Variants in DLGAP1 observed in about 807,000 individuals in gnomAD.
DLGAP1 encodes the protein DLG associated protein 1, also known as disks large-associated protein 1.
DLGAP1 carries 11 observed loss-of-function variants against 90.8 expected under a neutral mutation model. The observed-to-expected ratio is 0.12, with a 90% CI of 0.08 to 0.20. The LOEUF is 0.20. DLGAP1 is among the 10% of genes least tolerant of loss of function. DLGAP1 has a pLI of 1.00. For missense variants in DLGAP1, 1,050 were observed against 1,333.8 expected, an observed-to-expected ratio of 0.79 and a Z score of 3.31; for synonymous variants, 558 against 540.7, an observed-to-expected ratio of 1.03 and a Z score of -0.44.
At chr18:4,318,453 C>G (rs2080588809) in intron 1 of DLGAP1, among the ~76,000 whole-genome samples, 1 of 152,156 alleles carries the variant, frequency 6.6e-6, no homozygotes, top group African/African-American at 2.4e-5. Flanking sequence ...AAGACCAATT[C>G]AAGTGCAGGC....
Position 3,653,030 on chromosome 18 carries a change from A to T in DLGAP1, c.1592-70782T>A. ...TAGCTGCCTATAGAATATCAGAGTC[A>T]TTCTGACTCAGGGGTGACTCAGCTC... On this transcript the variant is annotated intron_variant, in intron 7 of 12. Coordinates refer to ENST00000315677, the MANE Select transcript of DLGAP1 (RefSeq NM_004746.4). The surrounding 1 kb of genome is among the most constrained non-coding windows in gnomAD (Gnocchi z 4.6). Among the ~76,000 whole-genome samples, 1 of 152,206 alleles carries T rather than the reference A, an allele frequency of 6.6e-6. No homozygotes were observed. The highest frequency in any genetic ancestry group is 1.9e-4 in the East Asian group (1 of 5,196).
chr18:3,921,402 C>G (rs2072266425), intron 3 of DLGAP1, among the ~76,000 whole-genome samples: 1 of 152,174 alleles, frequency 6.6e-6, no homozygotes, highest in Non-Finnish European at 1.5e-5. Context: ...CCTGCAGTAT[C>G]TACACTAGTT....
chr18:4,205,332 G>C (rs919551798), intron 1 of DLGAP1, among the ~76,000 whole-genome samples: 2 of 152,150 alleles, frequency 1.3e-5, no homozygotes, highest in African/African-American at 4.8e-5. Context: ...TGTGTCTACG[G>C]CATATGGCAC....
chr18:3,998,311 A>T (rs1242525107), intron 3 of DLGAP1, among the ~76,000 whole-genome samples: 1 of 152,074 alleles, frequency 6.6e-6, no homozygotes, highest in African/African-American at 2.4e-5. Flanking sequence ...GTTTCCTTGC[A>T]TTTTCCAAGG....
intron 1 of DLGAP1, among the ~76,000 whole-genome samples, chr18:4,273,375 C>T (rs905095068): frequency 9.9e-5 from 15 of 152,178 alleles, no homozygotes; most frequent in Admixed American, 5.2e-4. Context: ...CAAGAAATCC[C>T]TCACATACTT....
chr18:4,345,974 G>C (rs550464534), intron 1 of DLGAP1, among the ~76,000 whole-genome samples: 1 of 152,302 alleles, frequency 6.6e-6, no homozygotes, highest in Non-Finnish European at 1.5e-5. Context: ...GATGCATGCT[G>C]ATCCTTTCAA....
chr18:3,837,926 T>G (rs1430697550), intron 4 of DLGAP1, among the ~76,000 whole-genome samples: 1 of 149,756 alleles, frequency 6.7e-6, no homozygotes, highest in African/African-American at 2.5e-5. Context: ...TTCTCTCTCT[T>G]GATTTTATGA....
intron 5 of DLGAP1, among the ~76,000 whole-genome samples, chr18:3,802,485 T>C (rs956019139): frequency 6.6e-6 from 1 of 152,224 alleles, no homozygotes; most frequent in Non-Finnish European, 1.5e-5. Flanking sequence ...CTTAATTTCT[T>C]TATACTCAGA....
In DLGAP1 at chr18:4,051,713, C is replaced by A. The variant is rs573509750; in HGVS notation, c.-158-46512G>T. ...CCAACAGTCCCTCAAGGTCTCAACT[C>A]ATTCTAGCATAAACTCAAAAGTCCA... On this transcript the variant is annotated intron_variant, in intron 2 of 12. Coordinates refer to ENST00000315677, the MANE Select transcript of DLGAP1 (RefSeq NM_004746.4). Among the ~76,000 whole-genome samples, 170 of 151,174 alleles carry A rather than the reference C, an allele frequency of 1.1e-3. 1 individual carries two copies. The highest frequency in any genetic ancestry group is 3.9e-3 in the African/African-American group (160 of 41,206).
chr18:4,089,304 G>T (rs1187231098), intron 2 of DLGAP1, among the ~76,000 whole-genome samples: 2 of 152,212 alleles, frequency 1.3e-5, no homozygotes, highest in East Asian at 1.9e-4. Context: ...AATAAAAGAG[G>T]ACAGAAACAA....
chr18:4,104,674 T>C (rs935048784), intron 2 of DLGAP1, among the ~76,000 whole-genome samples: 2 of 152,204 alleles, frequency 1.3e-5, no homozygotes, highest in Non-Finnish European at 2.9e-5. Flanking sequence ...TTCTGTTTTT[T>C]GAATGCAGAT....
intron 1 of DLGAP1, among the ~76,000 whole-genome samples, chr18:4,197,188 T>TAAA (rs532844849): frequency 0.011 from 822 of 73,734 alleles, 12 homozygotes; most frequent in African/African-American, 0.04. Flanking sequence ...TAAAAAAAAG[T>TAAA]AAAAAAAAAA....
intron 1 of DLGAP1, among the ~76,000 whole-genome samples, chr18:4,325,496 C>G (rs562913587): frequency 2.0e-5 from 3 of 151,842 alleles, no homozygotes; most frequent in East Asian, 3.9e-4. Context: ...CTTCACACAA[C>G]TAAAAAAAAA....
intron 1 of DLGAP1, among the ~76,000 whole-genome samples, chr18:4,347,811 A>C (rs2081326813): frequency 6.6e-6 from 1 of 152,106 alleles, no homozygotes; most frequent in African/African-American, 2.4e-5. Context: ...AAAAAAATGC[A>C]ATTAGACAAA....
intron 1 of DLGAP1, among the ~76,000 whole-genome samples, chr18:4,429,686 G>T (rs771415374): frequency 6.6e-6 from 1 of 152,060 alleles, no homozygotes; most frequent in Admixed American, 6.6e-5. Flanking sequence ...TTGTAAAGCT[G>T]GCACTTTGCA....
chr18:3,964,923 A>C (rs1363544953), intron 3 of DLGAP1, among the ~76,000 whole-genome samples: 1 of 152,218 alleles, frequency 6.6e-6, no homozygotes, highest in East Asian at 1.9e-4. Context: ...GCATGCTTAT[A>C]AAAGATTCTA....
chr18:3,838,781 A>G (rs2068544548), intron 4 of DLGAP1, among the ~76,000 whole-genome samples: 3 of 152,246 alleles, frequency 2.0e-5, no homozygotes, highest in South Asian at 4.1e-4. Flanking sequence ...TTCAAAGAAA[A>G]TAATTGTTAA....
intron 3 of DLGAP1, among the ~76,000 whole-genome samples, chr18:3,881,374 C>T (rs978979768): frequency 6.6e-6 from 1 of 152,150 alleles, no homozygotes; most frequent in African/African-American, 2.4e-5. Context: ...GAGAGGGGCT[C>T]AGTTCCTCTA....
chr18:4,314,188 T>A (rs776397543), intron 1 of DLGAP1, among the ~76,000 whole-genome samples: 14 of 152,192 alleles, frequency 9.2e-5, no homozygotes, highest in Non-Finnish European at 1.5e-4. Flanking sequence ...TTATCTATAT[T>A]CTGAGCAACT....
Sources: allele counts gnomAD v4.1 joint callset (sites outside exome capture counted in the v4.1 genomes callset), GRCh38; gene constraint gnomAD v4.1.1; non-coding constraint Gnocchi (gnomAD v3.1); transcripts MANE v1.5; gene names NCBI Gene and HGNC (gene_info 2026-07-23, HGNC 2026-07-21).